Variants in TSNARE1 observed in about 807,000 individuals in gnomAD.
TSNARE1 encodes t-SNARE domain-containing protein 1.
Under a neutral mutation model 62.0 loss-of-function variants are expected in TSNARE1, and 49 were observed. That is an observed-to-expected ratio of 0.79 (90% confidence interval 0.63 to 1.00). The LOEUF is 1.00. Ranked by LOEUF, TSNARE1 falls within the 50% of genes least tolerant of loss-of-function variation. The pLI, the probability that TSNARE1 is intolerant of heterozygous loss-of-function variation, is 0.00. For missense variants in TSNARE1, 755 were observed against 700.1 expected (o/e 1.08, Z -0.88); for synonymous variants, 328 against 294.4 (o/e 1.11, Z -1.17).
At chr8:142,297,108 G>A (rs1229943764) in intron 10 of TSNARE1, among the ~76,000 whole-genome samples, 1 of 152,228 alleles carries the variant, frequency 6.6e-6, no homozygotes, top group Non-Finnish European at 1.5e-5. Context: ...GGGGTTCAAG[G>A]TCACCCAACC....
At chr8:142,396,200 T>C (rs548065224) in intron 1 of TSNARE1, among the ~76,000 whole-genome samples, 1 of 152,104 alleles carries the variant, frequency 6.6e-6, no homozygotes, top group African/African-American at 2.4e-5. Flanking sequence ...ACCCCTCAGA[T>C]GACACCCAGG....
chr8:142,391,332 C>T (rs1039421648), intron 1 of TSNARE1, among the ~76,000 whole-genome samples: 1 of 150,590 alleles, frequency 6.6e-6, no homozygotes, highest in Non-Finnish European at 1.5e-5. Flanking sequence ...GTAACAGACG[C>T]TGTACACTGC....
At chr8:142,257,078 A>G (rs1818622688) in intron 12 of TSNARE1, among the ~76,000 whole-genome samples, 2 of 152,070 alleles carry the variant, frequency 1.3e-5, no homozygotes, top group Non-Finnish European at 2.9e-5. Context: ...ACACATACCC[A>G]TCCCCCAATC....
intron 12 of TSNARE1, among the ~76,000 whole-genome samples, chr8:142,250,476 C>T (rs1407936259): frequency 1.3e-5 from 2 of 152,136 alleles, no homozygotes; most frequent in African/African-American, 2.4e-5. Flanking sequence ...CAGCCATCAG[C>T]GTCGCGGGCT....
chr8:142,379,254 G>C (rs1185946023), intron 1 of TSNARE1, among the ~76,000 whole-genome samples: 1 of 152,252 alleles, frequency 6.6e-6, no homozygotes, highest in Admixed American at 6.5e-5. Context: ...CCGTCACGGA[G>C]TAGGCACCAC....
intron 12 of TSNARE1, among the ~76,000 whole-genome samples, chr8:142,238,634 G>T (rs909652605): frequency 6.6e-6 from 1 of 151,606 alleles, no homozygotes; most frequent in Non-Finnish European, 1.5e-5. Flanking sequence ...CATGCTCAAG[G>T]CTCCAAGCCA....
At chr8:142,254,720 C>CA (rs1191481496) in intron 12 of TSNARE1, among the ~76,000 whole-genome samples, 2 of 152,228 alleles carry the variant, frequency 1.3e-5, no homozygotes, top group Non-Finnish European at 2.9e-5. Flanking sequence ...CTGCCAGCTG[C>CA]ATGATGGGGG....
intron 1 of TSNARE1, among the ~76,000 whole-genome samples, chr8:142,392,917 GCGAAAC>G (rs1837637677): frequency 6.7e-6 from 1 of 149,584 alleles, no homozygotes; most frequent in Admixed American, 6.7e-5. Context: ...TCCAGCCTGA[GCGAAAC>G]TCCGTCTCAA....
chr8:142,348,701 T>A (rs1431093150), intron 2 of TSNARE1, among the ~76,000 whole-genome samples: 1 of 151,584 alleles, frequency 6.6e-6, no homozygotes, highest in Admixed American at 6.6e-5. Flanking sequence ...CATTTTCTTT[T>A]CCTGCCAGGT....
chr8:142,381,075 G>C (rs994465143), intron 1 of TSNARE1, among the ~76,000 whole-genome samples: 1 of 152,226 alleles, frequency 6.6e-6, no homozygotes, highest in Non-Finnish European at 1.5e-5. Context: ...CCAGGCCTCA[G>C]CAGCCAATCA....
chr8:142,246,711 AGTGAGAT>A, intron 12 of TSNARE1, among the ~76,000 whole-genome samples: 1 of 152,244 alleles, frequency 6.6e-6, no homozygotes, highest in Admixed American at 6.5e-5. Context: ...GGACCTGGGA[AGTGAGAT>A]GCGCAGACAC....
chr8:142,400,067 C>T (rs560507869), intron 1 of TSNARE1, among the ~76,000 whole-genome samples: 6 of 151,844 alleles, frequency 4.0e-5, no homozygotes, highest in South Asian at 4.2e-4. Flanking sequence ...TGGCTGGGCA[C>T]GGTGGCTCAC....
chr8:142,364,708 G>C (rs1397325885), intron 1 of TSNARE1, among the ~76,000 whole-genome samples: 1 of 152,214 alleles, frequency 6.6e-6, no homozygotes, highest in Non-Finnish European at 1.5e-5. Flanking sequence ...ATCTAAAAAG[G>C]ACACAAGAAC....
intron 13 of TSNARE1, among the ~76,000 whole-genome samples, chr8:142,217,369 AAG>A (rs1342337834): frequency 7.0e-6 from 1 of 142,552 alleles, no homozygotes; most frequent in Non-Finnish European, 1.5e-5. Context: ...GAAAGAAAGA[AAG>A]AAAAAAGGGA....
At chr8:142,372,233 G>A (rs1026871275) in intron 1 of TSNARE1, among the ~76,000 whole-genome samples, 3 of 152,322 alleles carry the variant, frequency 2.0e-5, no homozygotes, top group Non-Finnish European at 4.4e-5. Context: ...TCCGCAGCAC[G>A]ACAGACAGAG....
intron 10 of TSNARE1, among the ~76,000 whole-genome samples, chr8:142,285,547 T>TG (rs538725802): frequency 1.6e-3 from 217 of 139,592 alleles, no homozygotes; most frequent in African/African-American, 5.7e-3. Context: ...AGATGGATGA[T>TG]GGGGGGATAG....
Position 142,273,587 on chromosome 8 carries a change from G to A in TSNARE1, c.1446+1194C>T, listed in dbSNP as rs958320335. 4.1e-6 allele frequency: 4 copies of A among 985,284 alleles called. No individual in the cohort carries two copies. In the African/African-American group the frequency reaches 7.0e-5, roughly 17 times the overall value. The allele number at this position is 985,284 out of a possible 1,614,324, so 61.0% of individuals were successfully genotyped here. Reference sequence around the variant, plus strand: ...TTGTCTCCCGGCCTGGCGTTCACCAGCTGTCAACAGGGACTGACCCTTGGT... The same window carrying A: ...TTGTCTCCCGGCCTGGCGTTCACCAACTGTCAACAGGGACTGACCCTTGGT... On this transcript the variant is annotated intron_variant, in intron 12 of 13. Coordinates refer to ENST00000524325, the MANE Select transcript of TSNARE1 (RefSeq NM_145003.5).
At chr8:142,299,662 T>C (rs1825369170) in intron 10 of TSNARE1, among the ~76,000 whole-genome samples, 1 of 151,744 alleles carries the variant, frequency 6.6e-6, no homozygotes, top group Non-Finnish European at 1.5e-5. Context: ...CATACTTGCA[T>C]GCACACACGC....
chr8:142,344,844 C>T (rs1404246471), intron 3 of TSNARE1, among the ~76,000 whole-genome samples: 2 of 152,218 alleles, frequency 1.3e-5, no homozygotes, highest in East Asian at 1.9e-4. Context: ...GGGCTGCTCC[C>T]GGGATCAGCC....
Sources: allele counts gnomAD v4.1 joint callset (sites outside exome capture counted in the v4.1 genomes callset), GRCh38; gene constraint gnomAD v4.1.1; transcripts MANE v1.5; gene names NCBI Gene and HGNC (gene_info 2026-07-23, HGNC 2026-07-21).